The following FKBP9 variants were observed in gnomAD, a reference collection of about 807,000 sequenced individuals.
The protein encoded by FKBP9 is peptidyl-prolyl cis-trans isomerase FKBP9.
A neutral mutation model predicts 55.6 loss-of-function variants in FKBP9; 27 were observed. That is an observed-to-expected ratio of 0.49 (90% CI 0.36 to 0.67). FKBP9 has a LOEUF of 0.67. FKBP9 is among the 30% of genes least tolerant of loss of function. The pLI is 0.00. For missense variants in FKBP9, 539 were observed against 742.8 expected, an observed-to-expected ratio of 0.73 and a Z score of 3.19; for synonymous variants, 267 against 296.5, an observed-to-expected ratio of 0.90 and a Z score of 1.02.
chr7:32,966,286 G>A (rs1246572662), intron 1 of FKBP9, among the ~76,000 whole-genome samples: 6 of 151,242 alleles, frequency 4.0e-5, no homozygotes, highest in African/African-American at 7.3e-5. Flanking sequence ...GCAGTTTAGT[G>A]TGTTGACTAT....
At chr7:32,998,564 G>A (rs1583870676) in intron 7 of FKBP9, 1 of 152,362 alleles carries the variant, frequency 6.6e-6, no homozygotes, top group East Asian at 1.9e-4. Context: ...CAGCAGAAGA[G>A]TAGCGGCTGG....
chr7:32,957,451 G>A lies in FKBP9; in HGVS notation c.-123G>A. The A allele has an allele frequency of 1.5e-6, 1 of 674,716 alleles. No homozygotes were observed. The highest frequency in any genetic ancestry group is 4.7e-5 in the South Asian group (1 of 21,392). 41.8% of individuals were successfully genotyped at this position (674,716 alleles called of 1,614,324 possible). A position where few individuals can be genotyped will look rare whatever the true frequency, so the allele number is the denominator to read the frequency against. On this transcript the variant is annotated 5_prime_UTR_variant, in exon 1 of 10. Coordinates refer to ENST00000242209, the MANE Select transcript of FKBP9 (RefSeq NM_007270.5). ...GGCGGGCGGCCGGGGAGACGGGGTGGCGGCTGCAGCCCGGGTAGGGCCAGG... is the reference window on the plus strand; with the variant it reads ...GGCGGGCGGCCGGGGAGACGGGGTGACGGCTGCAGCCCGGGTAGGGCCAGG...
At chr7:32,992,194 C>T (rs1001286853) in intron 6 of FKBP9, among the ~76,000 whole-genome samples, 12 of 152,128 alleles carry the variant, frequency 7.9e-5, no homozygotes, top group African/African-American at 2.9e-4. Context: ...AGAGGAAACA[C>T]ACCCGCTCAG....
At chr7:33,003,796 G>T (rs1784976784) in intron 9 of FKBP9, among the ~76,000 whole-genome samples, 1 of 152,124 alleles carries the variant, frequency 6.6e-6, no homozygotes, top group Non-Finnish European at 1.5e-5. Context: ...AGTACCCCGG[G>T]CTAAGTCTTG....
rs181006171 is a variant in FKBP9, at chr7:32,963,769, G to A, written c.221+5975G>A. 94 of 1,277,532 alleles carry A rather than the reference G, an allele frequency of 7.4e-5. No individual in the cohort carries two copies. In the Admixed American group the frequency reaches 1.9e-3, roughly 26 times the overall value. 79.1% of individuals were successfully genotyped at this position (1,277,532 alleles called of 1,614,324 possible). A position where few individuals can be genotyped will look rare whatever the true frequency, so the allele number is the denominator to read the frequency against. On this transcript the variant is annotated intron_variant, in intron 1 of 9. Coordinates refer to ENST00000242209, the MANE Select transcript of FKBP9 (RefSeq NM_007270.5). ...CATTCTCTCCCACTAGAAAAAGAGT[G>A]CTCCAATAAGCTCCCCATGCTGCAC... is the stretch of plus-strand genomic sequence containing the variant.
chr7:32,966,148 G>C (rs1451107074), intron 1 of FKBP9, among the ~76,000 whole-genome samples: 1 of 133,746 alleles, frequency 7.5e-6, no homozygotes, highest in Non-Finnish European at 1.6e-5. Flanking sequence ...AGCCAAGATC[G>C]TGCCACTGCA....
intron 7 of FKBP9, among the ~76,000 whole-genome samples, chr7:32,999,281 C>A (rs372345764): frequency 6.6e-6 from 1 of 152,082 alleles, no homozygotes; most frequent in Admixed American, 6.6e-5. Context: ...TGCTCATGGG[C>A]ATCAAGGGGG....
At chr7:32,987,398 G>A (rs1446139461) in intron 5 of FKBP9, among the ~76,000 whole-genome samples, 2 of 151,636 alleles carry the variant, frequency 1.3e-5, no homozygotes, top group African/African-American at 2.4e-5. Flanking sequence ...GAGGGGCTGA[G>A]GTGGAAGGAT....
At position 32,976,433 on chromosome 7, in the gene FKBP9, A is replaced by G. The variant is rs1437816168; in HGVS notation, c.637A>G (p.Met213Val). ...IPGMDKGLLG[M>V]CVGEKRIITI... The stretch of plus-strand genomic sequence containing the variant: ...TGGAATGGATAAAGGGCTGCTGGGG[A>G]TGTGTGTGGGTGAGAAGCGCATCAT... The change falls in exon 4 of 10, where the codon ATG (methionine) becomes GTG (valine). Residue 213 changes from methionine to valine, a missense_variant. Physicochemically the swap from Met to Val is conservative, Grantham distance 21. This residue lies in a region of FKBP9 where 29 missense variants were observed against 65.3 expected (regional missense o/e 0.44). Coordinates refer to ENST00000242209, the MANE Select transcript of FKBP9 (RefSeq NM_007270.5). 9 of 1,613,466 alleles carry G rather than the reference A, an allele frequency of 5.6e-6. 1 individual carries two copies. Among genetic ancestry groups the G allele is most frequent in the Non-Finnish European group, 4.2e-6 (5 of 1,179,802 alleles).
At chr7:32,963,050 A>G (rs1784056175) in intron 1 of FKBP9, among the ~76,000 whole-genome samples, 1 of 152,238 alleles carries the variant, frequency 6.6e-6, no homozygotes, top group African/African-American at 2.4e-5. Flanking sequence ...TACCCGTTCC[A>G]GGGAAGGAAG....
At chr7:32,999,579 G>T (rs1269556629) in intron 7 of FKBP9, among the ~76,000 whole-genome samples, 4 of 151,224 alleles carry the variant, frequency 2.6e-5, no homozygotes, top group Non-Finnish European at 5.9e-5. Flanking sequence ...ACTGTGCCAA[G>T]CATAACATGT....
intron 6 of FKBP9, among the ~76,000 whole-genome samples, chr7:32,990,107 C>G: frequency 6.6e-6 from 1 of 152,066 alleles, no homozygotes; most frequent in Non-Finnish European, 1.5e-5. Flanking sequence ...GCTGGGATGA[C>G]AGGTGTGAGC....
chr7:32,997,090 G>A (rs1171280291), intron 7 of FKBP9, among the ~76,000 whole-genome samples: 10 of 151,114 alleles, frequency 6.6e-5, no homozygotes, highest in Admixed American at 4.6e-4. Context: ...CTCCGCGCCC[G>A]GCCAAGTCTC....
chr7:32,975,520 T>G lies in FKBP9; in HGVS notation c.557+149T>G. ...TACTGAACTCATCTACTTAAGACTT[T>G]TGGTCAGTGTTGCATCTTCTCTGGT... On this transcript the variant is annotated intron_variant, in intron 3 of 9. Coordinates refer to ENST00000242209, the MANE Select transcript of FKBP9 (RefSeq NM_007270.5). 7.9e-6 allele frequency: 5 copies of G among 632,282 alleles called. No homozygotes were observed. In the South Asian group the frequency reaches 9.1e-5, roughly 12 times the overall value. 39.2% of individuals were successfully genotyped at this position (632,282 alleles called of 1,614,324 possible).
intron 1 of FKBP9, among the ~76,000 whole-genome samples, chr7:32,964,581 C>A (rs1281142687): frequency 2.6e-5 from 4 of 152,140 alleles, no homozygotes; most frequent in African/African-American, 9.7e-5. Flanking sequence ...TTCTCTGTTC[C>A]CGCTTGCTCC....
chr7:32,964,523 G>A (rs1427736384), intron 1 of FKBP9, among the ~76,000 whole-genome samples: 1 of 152,070 alleles, frequency 6.6e-6, no homozygotes, highest in African/African-American at 2.4e-5. Flanking sequence ...CATGTTTCAG[G>A]GTCTGATTCT....
chr7:32,986,930 T>G (rs544903709), intron 5 of FKBP9, among the ~76,000 whole-genome samples: 1 of 152,150 alleles, frequency 6.6e-6, no homozygotes, highest in East Asian at 1.9e-4. Context: ...GCATATGAAG[T>G]TTTATTATTT....
At chr7:32,999,189 T>C (rs377023025) in intron 7 of FKBP9, among the ~76,000 whole-genome samples, 5,662 of 151,518 alleles carry the variant, frequency 0.037, 187 homozygotes, top group Middle Eastern at 0.082. Flanking sequence ...GGGAAAGAAG[T>C]GGCTGCCCTG....
At chr7:32,965,788 A>C (rs1784119796) in intron 1 of FKBP9, among the ~76,000 whole-genome samples, 1 of 76,516 alleles carries the variant, frequency 1.3e-5, no homozygotes, top group Admixed American at 1.7e-4. Context: ...ACAGAGCGAG[A>C]CTCCATGTCA....
Sources: gnomAD v4.1 joint callset for allele counts (sites outside exome capture counted in the v4.1 genomes callset) on GRCh38, gnomAD v4.1.1 for gene constraint, gnomAD v4.1.1 regional missense constraint, MANE v1.5 for transcripts, NCBI Gene and HGNC (gene_info 2026-07-23, HGNC 2026-07-21) for gene names.